AKAP7: variants seen among roughly 807,000 people sequenced by gnomAD.
AKAP7 encodes the protein A-kinase anchoring protein 7.
A neutral mutation model predicts 39.5 loss-of-function variants in AKAP7; 39 were observed. That is an observed-to-expected ratio of 0.99 (90% CI 0.76 to 1.29). AKAP7 has a LOEUF of 1.29. Among genes scored for constraint, AKAP7 ranks in the 50% most tolerant of loss-of-function variants. The pLI is 0.00. For missense variants in AKAP7, 414 were observed against 407.7 expected (o/e 1.02, Z -0.13); for synonymous variants, 140 against 139.1 (o/e 1.01, Z -0.05).
chr6:131,199,952 G>T, intron 6 of AKAP7: 1 of 219,202 alleles, frequency 4.6e-6, no homozygotes, highest in Non-Finnish European at 9.0e-6. Flanking sequence ...TGTTACGCTG[G>T]TGCTGCTCAC....
intron 7 of AKAP7, among the ~76,000 whole-genome samples, chr6:131,242,542 T>C (rs1409215265): frequency 1.3e-5 from 2 of 151,282 alleles, no homozygotes; most frequent in Non-Finnish European, 2.9e-5. Flanking sequence ...TTTTAATCAC[T>C]TTCTTAATAT....
chr6:131,226,833 T>G (rs914417448), intron 7 of AKAP7, among the ~76,000 whole-genome samples: 10 of 152,218 alleles, frequency 6.6e-5, no homozygotes, highest in Non-Finnish European at 5.9e-5. Flanking sequence ...AACAGAATTA[T>G]TTTCTGGGAA....
At chr6:131,267,459 GTA>G (rs1158769806) in intron 7 of AKAP7, among the ~76,000 whole-genome samples, 2 of 152,168 alleles carry the variant, frequency 1.3e-5, no homozygotes, top group African/African-American at 2.4e-5. Flanking sequence ...AATAATTTGT[GTA>G]TGTCTTAGAA....
rs1585241646 is a variant in AKAP7, at chr6:131,282,908, A to C, written c.*1182A>C. 4.1e-6 allele frequency: 1 copy of C among 241,692 alleles called. No homozygotes were observed. 15.0% of individuals were successfully genotyped at this position (241,692 alleles called of 1,614,324 possible). On this transcript the variant is annotated 3_prime_UTR_variant, in exon 8 of 8. Transcript: ENST00000431975. Reference sequence around the variant, plus strand: ...AGAAAAAAACATACAGACTGTGAACAAATCATTCACAAACAGAATAAAACA... The same window carrying C: ...AGAAAAAAACATACAGACTGTGAACCAATCATTCACAAACAGAATAAAACA...
chr6:131,206,731 TTCTA>T (rs1440225584), intron 6 of AKAP7, among the ~76,000 whole-genome samples: 1 of 152,148 alleles, frequency 6.6e-6, no homozygotes, highest in Non-Finnish European at 1.5e-5. Context: ...CATTATTTAC[TTCTA>T]TCTATCTAGC....
At chr6:131,239,758 C>T (rs568430743) in intron 7 of AKAP7, among the ~76,000 whole-genome samples, 2 of 152,346 alleles carry the variant, frequency 1.3e-5, no homozygotes, top group East Asian at 3.9e-4. Context: ...TCAGCTTCAT[C>T]AGGTCCTTTA....
intron 7 of AKAP7, among the ~76,000 whole-genome samples, chr6:131,252,520 T>TG (rs1190372779): frequency 6.6e-6 from 1 of 152,228 alleles, no homozygotes; most frequent in Non-Finnish European, 1.5e-5. Context: ...TGTTTCCTGA[T>TG]GCAGTGTTTA....
chr6:131,213,430 T>G (rs1347914076), intron 6 of AKAP7, among the ~76,000 whole-genome samples: 1 of 152,238 alleles, frequency 6.6e-6, no homozygotes, highest in African/African-American at 2.4e-5. Context: ...TGTGGGAGAT[T>G]GTTTTATTTT....
rs200842059 is a variant in AKAP7 at position 131,168,096 on chromosome 6, T to C, written c.429-1017T>C. Among the ~76,000 whole-genome samples, 14 of 152,290 alleles carry C rather than the reference T, an allele frequency of 9.2e-5. No individual in the cohort carries two copies. The East Asian group carries it at 2.3e-3, about 25-fold the overall frequency. ...AATCTCGTAATGTCCAATTCAATAA[T>C]ATTGTAAACATTTGTTTTTATTAAG... On this transcript the variant is annotated intron_variant, in intron 4 of 7. Transcript: ENST00000431975.
chr6:131,198,019 A>C (rs1046323032), intron 5 of AKAP7, among the ~76,000 whole-genome samples: 3 of 152,200 alleles, frequency 2.0e-5, no homozygotes, highest in Non-Finnish European at 2.9e-5. Context: ...TCTTTGAAAC[A>C]TATGACTACT....
At chr6:131,260,553 G>A (rs943053212) in intron 7 of AKAP7, among the ~76,000 whole-genome samples, 10 of 152,198 alleles carry the variant, frequency 6.6e-5, no homozygotes, top group Non-Finnish European at 2.9e-5. Flanking sequence ...CTAATGATCA[G>A]TGATGCTGAG....
intron 4 of AKAP7, among the ~76,000 whole-genome samples, chr6:131,168,492 A>T (rs561968925): frequency 7.9e-5 from 12 of 152,076 alleles, no homozygotes; most frequent in Non-Finnish European, 1.8e-4. Flanking sequence ...AGAAGGAAAG[A>T]TATCGCACTT....
chr6:131,169,415 A>G, intron 5 of AKAP7, 142 bp downstream of exon 5: 1 of 928,260 alleles, frequency 1.1e-6, no homozygotes, highest in Non-Finnish European at 1.7e-6. Context: ...CCCAATCATA[A>G]GTCTGAAGGA....
chr6:131,254,270 G>A (rs1029283701), intron 7 of AKAP7, among the ~76,000 whole-genome samples: 1 of 152,106 alleles, frequency 6.6e-6, no homozygotes, highest in Non-Finnish European at 1.5e-5. Flanking sequence ...AATACTATAG[G>A]TATTTTCCAA....
At chr6:131,211,665 T>C (rs1345022835) in intron 6 of AKAP7, among the ~76,000 whole-genome samples, 2 of 143,842 alleles carry the variant, frequency 1.4e-5, no homozygotes, top group African/African-American at 5.3e-5. Flanking sequence ...CCCAGCTGCT[T>C]GGGAGGCTGA....
chr6:131,147,306 T>C (rs768246705), intron 2 of AKAP7, among the ~76,000 whole-genome samples: 3 of 152,246 alleles, frequency 2.0e-5, no homozygotes, highest in Non-Finnish European at 4.4e-5. Flanking sequence ...CACTGTCTTC[T>C]GGAGGCAGTG....
chr6:131,161,637 T>C (rs1330763688), intron 3 of AKAP7, among the ~76,000 whole-genome samples: 3 of 52,662 alleles, frequency 5.7e-5, no homozygotes, highest in Non-Finnish European at 1.0e-4. Flanking sequence ...AGAGCCAGAC[T>C]GTATCTCAAA....
the AKAP7 span, among the ~76,000 whole-genome samples, chr6:131,127,058 T>TTTTTTGAGA: frequency 0.011 from 1,636 of 152,074 alleles, 32 homozygotes; most frequent in African/African-American, 0.037. Context: ...TTTTTTTTGT[T>TTTTTTGAGA]TTTTTGAGAC....
At chr6:131,198,408 T>C (rs926078494) in intron 5 of AKAP7, among the ~76,000 whole-genome samples, 1 of 152,232 alleles carries the variant, frequency 6.6e-6, no homozygotes, top group Admixed American at 6.5e-5. Flanking sequence ...CCTTGTTGGA[T>C]GCTGAATTGT....
Sources: allele counts gnomAD v4.1 joint callset (sites outside exome capture counted in the v4.1 genomes callset), GRCh38; gene constraint gnomAD v4.1.1; transcripts MANE v1.5; gene names NCBI Gene and HGNC (gene_info 2026-07-23, HGNC 2026-07-21).